Variants in PHF10 observed in about 807,000 individuals in gnomAD.
PHF10 encodes the protein PHD finger protein 10.
In PHF10, 51 loss-of-function variants were observed where a neutral mutation model predicts 68.5. The ratio of observed to expected loss-of-function variants is 0.74; its 90% CI spans 0.59 to 0.94. PHF10 has a LOEUF of 0.94. Ranked by LOEUF, PHF10 falls within the 40% of genes least tolerant of loss-of-function variation. PHF10 has a pLI of 0.00. For missense variants in PHF10, 460 were observed against 602.6 expected (o/e 0.76, Z 2.48); for synonymous variants, 204 against 203.5 (o/e 1.00, Z -0.02).
chr6:169,707,438 C>T (rs1209595108), intron 9 of PHF10: 2 of 152,152 alleles, frequency 1.3e-5, no homozygotes, highest in Non-Finnish European at 2.9e-5. Context: ...CTTAATCCAT[C>T]AAAACTAAGA....
chr6:169,723,445 A>G (rs1268681302), intron 1 of PHF10, among the ~76,000 whole-genome samples: 1 of 152,230 alleles, frequency 6.6e-6, no homozygotes, highest in African/African-American at 2.4e-5. Flanking sequence ...TTTTTGCAGT[A>G]AGCGTTCAAA....
chr6:169,706,223 A>T (rs3924590), intron 9 of PHF10, among the ~76,000 whole-genome samples: 200 of 151,836 alleles, frequency 1.3e-3, no homozygotes, highest in African/African-American at 4.3e-3. Context: ...AGTGGTATTT[A>T]AAAAAAAATC....
chr6:169,710,277 G>A lies in PHF10; in HGVS notation c.1072C>T (p.Pro358Ser), dbSNP rs1157738884. The A allele has an allele frequency of 1.2e-6, 2 of 1,612,934 alleles. No individual in the cohort carries two copies. The highest frequency in any genetic ancestry group is 2.2e-5 in the South Asian group (2 of 91,030). Reference sequence around the variant, plus strand: ...GACTTGGACAGTACAGAACGTTTGGGACCATCTTTTCTTGGAGTGGCAGCT... The same window carrying A: ...GACTTGGACAGTACAGAACGTTTGGAACCATCTTTTCTTGGAGTGGCAGCT... ...DKAATPRKDG[P>S]KRSVLSKSVP... The change falls in exon 9 of 12, where the codon CCC (proline) becomes TCC (serine). Residue 358 changes from proline to serine, a missense_variant. By Grantham distance (74) the Pro-to-Ser change is moderately conservative. Transcript: ENST00000339209.
Position 169,724,375 on chromosome 6 carries a change from CGCG to C in PHF10, c.-447_-445del, listed in dbSNP as rs1167534959. Among the ~76,000 whole-genome samples the C allele has an allele frequency of 9.1e-5, 13 of 143,120 alleles. No individual in the cohort carries two copies. Among genetic ancestry groups the C allele is most frequent in the South Asian group, 2.2e-4 (1 of 4,592 alleles). The allele number at this position is 143,120 out of a possible 152,430, so 93.9% of individuals were successfully genotyped here. ...CCCCGCCGCTCGCTCGCCTCAGCCC[CGCG>C]GCCGCCTCAGCCCCGCCGCTCGCCT... is the stretch of plus-strand genomic sequence containing the variant. On this transcript the variant is annotated 5_prime_UTR_variant, in exon 1 of 12. Transcript: ENST00000339209.
chr6:169,710,022 T>C (rs903990448), intron 9 of PHF10: 9 of 386,536 alleles, frequency 2.3e-5, no homozygotes, highest in Non-Finnish European at 3.7e-5. Context: ...ATTGTACATA[T>C]ACAGAAAACA....
chr6:169,721,273 A>T (rs1315793082), intron 1 of PHF10, among the ~76,000 whole-genome samples, 162 bp from the exon 2 acceptor site: 2 of 152,240 alleles, frequency 1.3e-5, no homozygotes, highest in Non-Finnish European at 2.9e-5. Context: ...GACCTGGAAT[A>T]AAATTTAAAA....
chr6:169,716,550 CAATTTTCAAAACTCACAGT>C (rs1458073397), intron 4 of PHF10, among the ~76,000 whole-genome samples: 2 of 151,744 alleles, frequency 1.3e-5, no homozygotes, highest in African/African-American at 4.8e-5. Flanking sequence ...ACCATGGAGA[CAATTTTCAAAACTCACAGT>C]ATCAGATTTC....
Position 169,723,952 on chromosome 6 carries a change from GCCGCCGCCGCCGTCGCCT to G in PHF10, c.-39_-22del. 1 of 815,608 alleles carries G rather than the reference GCCGCCGCCGCCGTCGCCT, an allele frequency of 1.2e-6. No individual in the cohort carries two copies. The allele number at this position is 815,608 out of a possible 1,614,324, so 50.5% of individuals were successfully genotyped here. Reference sequence around the variant, plus strand: ...GCCATCAGCCCGAGCGCCCCGCGCCGCCGCCGCCGCCGTCGCCTCCGCCTTGTCCCGGCCGCCGCCGCC... The same window carrying G: ...GCCATCAGCCCGAGCGCCCCGCGCCGCCGCCTTGTCCCGGCCGCCGCCGCC... On this transcript the variant is annotated 5_prime_UTR_variant, in exon 1 of 12. Coordinates refer to ENST00000339209, the MANE Select transcript of PHF10 (RefSeq NM_018288.4).
chr6:169,716,821 T>G (rs976373079), intron 4 of PHF10, among the ~76,000 whole-genome samples: 4 of 152,144 alleles, frequency 2.6e-5, no homozygotes, highest in African/African-American at 9.7e-5. Context: ...TGTGTTCCAG[T>G]GATCCTCCTC....
rs565377149 is a variant in PHF10 at position 169,710,400 on chromosome 6, T to A, written c.958-9A>T. On this transcript the variant is annotated splice_polypyrimidine_tract_variant and intron_variant, in intron 8 of 11. Transcript: ENST00000339209. ...TTGCCAGAGGAGCTGTCCTGGAGTT[T>A]AAAAGGCAAAAACAAAGATTCTTTG... 1 of 1,603,174 alleles carries A rather than the reference T, an allele frequency of 6.2e-7. No individual in the cohort carries two copies. Among genetic ancestry groups the A allele is most frequent in the South Asian group, 1.1e-5 (1 of 89,388 alleles).
In PHF10 at chr6:169,718,777, T is replaced by C; in HGVS notation, c.325+11A>G. ...ATCAATTATAAATTAATCTATTATA[T>C]AAACTAGTACCTGGATATTTCCTTT... is the stretch of plus-strand genomic sequence containing the variant. On this transcript the variant is annotated intron_variant, in intron 3 of 11. Transcript: ENST00000339209. 2 of 1,469,400 alleles carry C rather than the reference T, an allele frequency of 1.4e-6. No homozygotes were observed. The highest frequency in any genetic ancestry group is 1.9e-6 in the Non-Finnish European group (2 of 1,059,532). The allele number at this position is 1,469,400 out of a possible 1,614,324, so 91.0% of individuals were successfully genotyped here. A position where few individuals can be genotyped will look rare whatever the true frequency, so the allele number is the denominator to read the frequency against.
Position 169,721,020 on chromosome 6 carries a change from G to T in PHF10, c.179C>A (p.Ser60Ter). The T allele has an allele frequency of 6.5e-7, 1 of 1,538,754 alleles. No homozygotes were observed. Among genetic ancestry groups the T allele is most frequent in the Non-Finnish European group, 8.8e-7 (1 of 1,137,420 alleles). Residue 60 changes from serine to a stop codon, truncating the protein, a stop_gained, in exon 2 of 12, where the codon TCA (serine) becomes TAA (stop). Coordinates refer to ENST00000339209, the MANE Select transcript of PHF10 (RefSeq NM_018288.4). LOFTEE classifies it high-confidence loss of function. ...SGDSSRSCET[S>*]SQDLGFSYYP... ...ATGACAGTACCCAAGATCTTGACTT[G>T]AAGTTTCACAACTCCTAGAACTATC... is the stretch of plus-strand genomic sequence containing the variant.
chr6:169,717,561 TGAA>T (rs2128330802), intron 4 of PHF10, among the ~76,000 whole-genome samples: 1 of 152,368 alleles, frequency 6.6e-6, no homozygotes, highest in African/African-American at 2.4e-5. Context: ...TATAGACACT[TGAA>T]GTATGGTTTC....
chr6:169,708,917 T>C (rs547768065), intron 9 of PHF10: 19 of 152,306 alleles, frequency 1.2e-4, no homozygotes, highest in African/African-American at 4.3e-4. Context: ...GGAGCTCACT[T>C]GCTTTCAGTT....
intron 10 of PHF10, 113 bp downstream of exon 10, chr6:169,705,503 T>C (rs1173659339): frequency 9.3e-6 from 7 of 752,650 alleles, no homozygotes; most frequent in Non-Finnish European, 1.4e-5. Context: ...CAAGCTACCC[T>C]GTGTATTTAA....
chr6:169,705,746 A>G (rs1788761799), intron 9 of PHF10, 22 bp from the exon 10 acceptor site: 12 of 1,127,684 alleles, frequency 1.1e-5, no homozygotes, highest in Non-Finnish European at 1.6e-5. Context: ...GAAGAGGGCT[A>G]TAAATTCATG....
chr6:169,716,326 T>C (rs1789046604), intron 4 of PHF10, among the ~76,000 whole-genome samples: 1 of 152,136 alleles, frequency 6.6e-6, no homozygotes, highest in Admixed American at 6.5e-5. Context: ...CCAAACAAGT[T>C]TATTTTTAAG....
At chr6:169,719,601 G>C (rs1198580452) in intron 2 of PHF10, among the ~76,000 whole-genome samples, 1 of 152,128 alleles carries the variant, frequency 6.6e-6, no homozygotes, top group Non-Finnish European at 1.5e-5. Context: ...AAAAAGAACA[G>C]TGTTCTCAAA....
Position 169,716,081 on chromosome 6 carries a change from T to C in PHF10, c.417A>G (p.Thr139=), listed in dbSNP as rs765732556. The C allele has an allele frequency of 6.3e-7, 1 of 1,575,500 alleles. No individual in the cohort carries two copies. Among genetic ancestry groups the C allele is most frequent in the Admixed American group, 1.9e-5 (1 of 51,548 alleles). The change falls in exon 5 of 12, where the codon ACA becomes ACG. Residue 139 remains threonine, a synonymous_variant. Transcript: ENST00000339209. ...CAATCACTTCATCACTGCGCAATGC[T>C]GTTAAGCCTATTTTAGACCAAAAAA... is the stretch of plus-strand genomic sequence containing the variant. ...ITETQCTLGL[T]ALRSDEVIDL...
Sources: gnomAD v4.1 joint callset for allele counts (sites outside exome capture counted in the v4.1 genomes callset) on GRCh38, gnomAD v4.1.1 for gene constraint, MANE v1.5 for transcripts, NCBI Gene and HGNC (gene_info 2026-07-23, HGNC 2026-07-21) for gene names.